Variants in CACNB2 observed in about 807,000 individuals in gnomAD.
CACNB2 encodes the protein calcium voltage-gated channel auxiliary subunit beta 2.
A neutral mutation model predicts 73.3 loss-of-function variants in CACNB2; 42 were observed. The ratio of observed to expected loss-of-function variants is 0.57; its 90% CI spans 0.45 to 0.74. The LOEUF is 0.74. CACNB2 is among the 30% of genes least tolerant of loss of function. The pLI is 0.00. For synonymous variants in CACNB2, 348 were observed against 310.3 expected (o/e 1.12, Z -1.28); for missense variants, 940 against 853.0 (o/e 1.10, Z -1.27).
In CACNB2 at chr10:18,539,888, A is replaced by ATTGAGATACTTTTTCTTTTGT; in HGVS notation, c.*165_*185dup. On this transcript the variant is annotated 3_prime_UTR_variant, in exon 14 of 14. Coordinates refer to ENST00000324631, the MANE Select transcript of CACNB2 (RefSeq NM_201596.3). The stretch of plus-strand genomic sequence containing the variant: ...TGAATAGCAATAGCATGGATAGAGT[A>ATTGAGATACTTTTTCTTTTGT]TTGAGATACTTTTTCTTTTGTAAGT... The ATTGAGATACTTTTTCTTTTGT allele has an allele frequency of 1.3e-6, 1 of 765,502 alleles. No homozygotes were observed. The highest frequency in any genetic ancestry group is 1.9e-5 in the South Asian group (1 of 52,742). The allele number at this position is 765,502 out of a possible 1,614,324, so 47.4% of individuals were successfully genotyped here.
chr10:18,141,017 C>A (rs1250737179), intron 1 of CACNB2, 161 bp downstream of exon 1: 36 of 1,533,918 alleles, frequency 2.3e-5, no homozygotes, highest in Non-Finnish European at 3.1e-5. Context: ...GGGGACCCTG[C>A]CCCTTTGCGC....
chr10:18,384,493 A>T (rs529149423), intron 2 of CACNB2, among the ~76,000 whole-genome samples: 1 of 152,100 alleles, frequency 6.6e-6, no homozygotes, highest in Admixed American at 6.5e-5. Flanking sequence ...TGGGAAGCCA[A>T]TGGGGGTAGA....
In CACNB2 at chr10:18,311,358, G is replaced by A. The variant is rs148988714; in HGVS notation, c.214-90566G>A. Among the ~76,000 whole-genome samples the A allele has an allele frequency of 2.8e-4, 42 of 152,126 alleles. No individual in the cohort carries two copies. In the East Asian group the frequency reaches 4.5e-3, roughly 16 times the overall value. On this transcript the variant is annotated intron_variant, in intron 2 of 13. Coordinates refer to ENST00000324631, the MANE Select transcript of CACNB2 (RefSeq NM_201596.3). The stretch of plus-strand genomic sequence containing the variant: ...CATCTCTAAATGAGAGGGCAGCTGC[G>A]GCTCCATGTAGATAGGTAGGAGTAT...
intron 2 of CACNB2, among the ~76,000 whole-genome samples, chr10:18,357,653 A>C (rs527795437): frequency 1.4e-3 from 207 of 152,332 alleles, no homozygotes; most frequent in Non-Finnish European, 2.5e-3. Flanking sequence ...ACTCATATCC[A>C]AAAAAAGATT....
At chr10:18,512,592 G>A (rs1051404802) in intron 6 of CACNB2, among the ~76,000 whole-genome samples, 5 of 151,974 alleles carry the variant, frequency 3.3e-5, no homozygotes, top group African/African-American at 4.8e-5. Flanking sequence ...TTGCGGTTTC[G>A]GACCATGGAT....
At chr10:18,280,305 C>T (rs1304336883) in intron 2 of CACNB2, among the ~76,000 whole-genome samples, 1 of 152,100 alleles carries the variant, frequency 6.6e-6, no homozygotes, top group Non-Finnish European at 1.5e-5. Flanking sequence ...AAGTGCTTTA[C>T]ATATGTTCAT....
intron 3 of CACNB2, among the ~76,000 whole-genome samples, chr10:18,448,273 C>T (rs1366865708): frequency 6.6e-6 from 1 of 151,906 alleles, no homozygotes; most frequent in African/African-American, 2.4e-5. Context: ...CACCTGAGAC[C>T]AGCCTGGCCA....
intron 1 of CACNB2, among the ~76,000 whole-genome samples, chr10:18,144,566 T>G (rs1422188059): frequency 6.6e-6 from 1 of 152,240 alleles, no homozygotes; most frequent in Non-Finnish European, 1.5e-5. Context: ...GCTCCAGATC[T>G]GTCTGTTCAT....
intron 2 of CACNB2, among the ~76,000 whole-genome samples, chr10:18,331,926 T>C (rs575254073): frequency 6.6e-6 from 1 of 151,852 alleles, no homozygotes; most frequent in Non-Finnish European, 1.5e-5. Context: ...GTGGGGGCAG[T>C]GAGGGGAAAG....
At chr10:18,184,876 G>C (rs2131234683) in intron 2 of CACNB2, among the ~76,000 whole-genome samples, 1 of 152,184 alleles carries the variant, frequency 6.6e-6, no homozygotes, top group Non-Finnish European at 1.5e-5. Context: ...TGCTCTCTCT[G>C]TTGCCCAGGC....
intron 2 of CACNB2, among the ~76,000 whole-genome samples, chr10:18,156,539 C>T (rs191234668): frequency 2.0e-5 from 3 of 152,270 alleles, no homozygotes; most frequent in African/African-American, 7.2e-5. Context: ...GGGGTCTGTC[C>T]ATAGGGGTCA....
chr10:18,202,013 G>A (rs2034903020), intron 2 of CACNB2, among the ~76,000 whole-genome samples: 1 of 152,204 alleles, frequency 6.6e-6, no homozygotes, highest in South Asian at 2.1e-4. Context: ...AAGAAAATGA[G>A]TAAGATTCTA....
intron 2 of CACNB2, among the ~76,000 whole-genome samples, chr10:18,381,361 A>T (rs914074893): frequency 2.0e-5 from 3 of 151,992 alleles, no homozygotes; most frequent in African/African-American, 7.2e-5. Context: ...AAGGCTAAGC[A>T]TGTGTATGCC....
At chr10:18,378,842 A>G (rs934406023) in intron 2 of CACNB2, among the ~76,000 whole-genome samples, 1 of 152,176 alleles carries the variant, frequency 6.6e-6, no homozygotes, top group African/African-American at 2.4e-5. Context: ...TCAGAATTAT[A>G]AACTTCAATT....
intron 2 of CACNB2, among the ~76,000 whole-genome samples, chr10:18,269,133 C>A (rs576009483): frequency 6.6e-6 from 1 of 152,240 alleles, no homozygotes; most frequent in African/African-American, 2.4e-5. Context: ...GGTACACCTT[C>A]GTTGCTGGCA....
intron 2 of CACNB2, among the ~76,000 whole-genome samples, chr10:18,259,723 T>C (rs1327187927): frequency 1.0e-4 from 9 of 88,032 alleles, no homozygotes; most frequent in African/African-American, 1.4e-4. Context: ...AGAGTGAGAC[T>C]CTGTCTCAGA....
chr10:18,272,515 G>A (rs904522580), intron 2 of CACNB2, among the ~76,000 whole-genome samples: 1 of 152,134 alleles, frequency 6.6e-6, no homozygotes, highest in South Asian at 2.1e-4. Flanking sequence ...TGCTGATATG[G>A]TTTGGCTCTG....
At chr10:18,473,350 TATTC>T (rs2048285959) in intron 3 of CACNB2, among the ~76,000 whole-genome samples, 2 of 152,248 alleles carry the variant, frequency 1.3e-5, no homozygotes, top group African/African-American at 4.8e-5. Flanking sequence ...TTTGGGTTGT[TATTC>T]AAAGAACTTA....
intron 2 of CACNB2, among the ~76,000 whole-genome samples, chr10:18,174,435 C>G (rs1302203331): frequency 7.2e-6 from 1 of 139,476 alleles, no homozygotes; most frequent in Non-Finnish European, 1.5e-5. Flanking sequence ...TTGAGTTTTG[C>G]TCTTGCCGCC....
Sources: allele counts gnomAD v4.1 joint callset (sites outside exome capture counted in the v4.1 genomes callset), GRCh38; gene constraint gnomAD v4.1.1; transcripts MANE v1.5; gene names NCBI Gene and HGNC (gene_info 2026-07-23, HGNC 2026-07-21).